Variants in DPYS observed in about 807,000 individuals in gnomAD.
The protein encoded by DPYS is dihydropyrimidinase.
In DPYS, 39 loss-of-function variants were observed where a neutral mutation model predicts 50.3. That is an observed-to-expected ratio of 0.78 (90% CI 0.60 to 1.01). The LOEUF is 1.01. Ranked by LOEUF, DPYS falls within the 50% of genes least tolerant of loss-of-function variation. The pLI, the probability that DPYS is intolerant of heterozygous loss-of-function variation, is 0.00. For missense variants in DPYS, 659 were observed against 680.9 expected, an observed-to-expected ratio of 0.97 and a Z score of 0.36; for synonymous variants, 245 against 250.7, an observed-to-expected ratio of 0.98 and a Z score of 0.22.
intron 1 of DPYS, among the ~76,000 whole-genome samples, chr8:104,451,629 T>C (rs1417831377): frequency 6.6e-6 from 1 of 152,124 alleles, no homozygotes; most frequent in East Asian, 1.9e-4. Context: ...AAAAAGAATG[T>C]CATATCTGAT....
intron 8 of DPYS, among the ~76,000 whole-genome samples, chr8:104,391,440 G>A (rs1811385307): frequency 6.6e-6 from 1 of 152,216 alleles, no homozygotes; most frequent in Admixed American, 6.5e-5. Flanking sequence ...CTAGGGGCCT[G>A]CCATCTAGCT....
chr8:104,383,376 C>T (rs956489461), intron 8 of DPYS, among the ~76,000 whole-genome samples: 4 of 152,172 alleles, frequency 2.6e-5, no homozygotes, highest in Non-Finnish European at 5.9e-5. Flanking sequence ...ATAATCTGTT[C>T]ACTCGTCAGT....
chr8:104,438,520 T>C (rs1467762661), intron 4 of DPYS, among the ~76,000 whole-genome samples: 3 of 152,120 alleles, frequency 2.0e-5, no homozygotes, highest in Non-Finnish European at 4.4e-5. Context: ...TGAGAGTCAA[T>C]TTGAATAACA....
At chr8:104,402,019 G>C (rs1162531543) in intron 7 of DPYS, among the ~76,000 whole-genome samples, 1 of 152,126 alleles carries the variant, frequency 6.6e-6, no homozygotes, top group Admixed American at 6.5e-5. Flanking sequence ...ACTTAATGCA[G>C]GTTTATAAAA....
intron 8 of DPYS, among the ~76,000 whole-genome samples, chr8:104,389,889 C>T (rs1386100808): frequency 6.6e-6 from 1 of 152,112 alleles, no homozygotes; most frequent in African/African-American, 2.4e-5. Flanking sequence ...TAAAATAATT[C>T]ACAGAATTGA....
intron 5 of DPYS, among the ~76,000 whole-genome samples, chr8:104,428,343 G>A (rs1161637391): frequency 6.6e-6 from 1 of 152,214 alleles, no homozygotes; most frequent in Non-Finnish European, 1.5e-5. Flanking sequence ...GATCCAAGAT[G>A]GGTTAGGAAA....
chr8:104,459,024 C>T (rs1483292573), intron 1 of DPYS, among the ~76,000 whole-genome samples: 1 of 152,198 alleles, frequency 6.6e-6, no homozygotes, highest in Non-Finnish European at 1.5e-5. Context: ...GGCTCAGGAA[C>T]TCATCCATGA....
chr8:104,426,838 A>G (rs1242135312), intron 6 of DPYS, among the ~76,000 whole-genome samples: 1 of 152,156 alleles, frequency 6.6e-6, no homozygotes, highest in Non-Finnish European at 1.5e-5. Context: ...TTTTTTCCAG[A>G]CTTTAAATTA....
chr8:104,412,793 C>A (rs1454634731), intron 7 of DPYS, among the ~76,000 whole-genome samples: 1 of 152,282 alleles, frequency 6.6e-6, no homozygotes, highest in East Asian at 1.9e-4. Flanking sequence ...GCAAAAGCCA[C>A]CACTTCTCTG....
In DPYS at chr8:104,429,555, G is replaced by T; in HGVS notation, c.940C>A (p.Leu314Met). The T allele has an allele frequency of 6.2e-7, 1 of 1,614,078 alleles. No homozygotes were observed. Among genetic ancestry groups the T allele is most frequent in the Non-Finnish European group, 8.5e-7 (1 of 1,179,984 alleles). ...DPSTPDFLMN[L>M]LANDDLTTTG... ...CTGCAAAATGATTACTTAGCCAACA[G>T]ATTCATGAGGAAGTCGGGTGTTGAG... Residue 314 changes from leucine (L) to methionine (M), a missense_variant, in exon 5 of 10, where the codon CTG becomes ATG. Leu to Met is a conservative substitution (Grantham distance 15). Coordinates refer to ENST00000351513, the MANE Select transcript of DPYS (RefSeq NM_001385.3).
intron 6 of DPYS, 74 bp from the exon 7 acceptor site, chr8:104,424,463 T>C (rs988755648): frequency 2.5e-5 from 38 of 1,499,278 alleles, no homozygotes; most frequent in Middle Eastern, 2.2e-4. Flanking sequence ...TGACAAGACT[T>C]GCATCTCTTA....
intron 6 of DPYS, among the ~76,000 whole-genome samples, chr8:104,426,461 A>G (rs1249874652): frequency 6.6e-6 from 1 of 152,228 alleles, no homozygotes; most frequent in Non-Finnish European, 1.5e-5. Context: ...GGTCCAAACA[A>G]AATATGAGCC....
At chr8:104,419,421 C>G (rs1231324340) in intron 7 of DPYS, 1 of 152,124 alleles carries the variant, frequency 6.6e-6, no homozygotes, top group Non-Finnish European at 1.5e-5. Flanking sequence ...AAACAAAAAT[C>G]GAGAGCATAA....
chr8:104,431,513 T>C (rs1260849090), intron 4 of DPYS, among the ~76,000 whole-genome samples: 2 of 151,882 alleles, frequency 1.3e-5, no homozygotes, highest in Non-Finnish European at 2.9e-5. Context: ...ATTTCACTAT[T>C]TCTAAGGCAT....
intron 9 of DPYS, 26 bp from the exon 10 acceptor site, chr8:104,379,869 C>G: frequency 2.2e-6 from 1 of 455,976 alleles, no homozygotes; most frequent in South Asian, 1.6e-5. Context: ...AAGGAACTCA[C>G]TGTAACATTC....
intron 7 of DPYS, among the ~76,000 whole-genome samples, chr8:104,394,482 A>T (rs1354203400): frequency 6.6e-6 from 1 of 151,806 alleles, no homozygotes; most frequent in African/African-American, 2.4e-5. Flanking sequence ...TCTTTGTTCT[A>T]CCTTCTCCCA....
intron 7 of DPYS, among the ~76,000 whole-genome samples, chr8:104,413,241 A>T (rs190735072): frequency 6.6e-6 from 1 of 152,210 alleles, no homozygotes; most frequent in East Asian, 1.9e-4. Context: ...ACATAGATAA[A>T]TCTAACAATT....
At chr8:104,424,088 C>A (rs763878661) in intron 7 of DPYS, 159 bp downstream of exon 7, 1 of 978,000 alleles carries the variant, frequency 1.0e-6, no homozygotes, top group Non-Finnish European at 1.2e-6. Flanking sequence ...AATATTTGCA[C>A]ATCAAAACCT....
intron 8 of DPYS, 104 bp downstream of exon 8, chr8:104,392,680 C>T: frequency 2.2e-6 from 3 of 1,386,024 alleles, no homozygotes; most frequent in Non-Finnish European, 1.0e-6. Flanking sequence ...TACATTAAAC[C>T]AAGTGTGATG....
Sources: allele counts gnomAD v4.1 joint callset (sites outside exome capture counted in the v4.1 genomes callset), GRCh38; gene constraint gnomAD v4.1.1; transcripts MANE v1.5; gene names NCBI Gene and HGNC (gene_info 2026-07-23, HGNC 2026-07-21).